Variants in BCAT1 observed in about 807,000 individuals in gnomAD.
The protein encoded by BCAT1 is branched-chain-amino-acid aminotransferase, cytosolic.
In BCAT1, 48 loss-of-function variants were observed where a neutral mutation model predicts 52.4. That is an observed-to-expected ratio of 0.92 (90% CI 0.73 to 1.16). The LOEUF (loss-of-function observed/expected upper bound fraction) is 1.16. BCAT1 is among the 50% of genes most tolerant of loss of function. BCAT1 has a pLI of 0.00. For missense variants in BCAT1, 451 were observed against 457.1 expected (o/e 0.99, Z 0.12); for synonymous variants, 167 against 161.3 (o/e 1.04, Z -0.27).
At chr12:24,920,030 T>G (rs1311475435) in intron 1 of BCAT1, among the ~76,000 whole-genome samples, 1 of 152,068 alleles carries the variant, frequency 6.6e-6, no homozygotes, top group Non-Finnish European at 1.5e-5. Context: ...TACCCTGTCT[T>G]GGGTATGTCT....
At chr12:24,826,215 C>T (rs1940392377) in intron 10 of BCAT1, among the ~76,000 whole-genome samples, 1 of 152,124 alleles carries the variant, frequency 6.6e-6, no homozygotes, top group South Asian at 2.1e-4. Context: ...TTTGCTTAGA[C>T]CAATGTCCTG....
chr12:24,872,077 A>G (rs1942197616), intron 5 of BCAT1, among the ~76,000 whole-genome samples: 1 of 152,224 alleles, frequency 6.6e-6, no homozygotes, highest in Admixed American at 6.5e-5. Context: ...AATCTTTCAG[A>G]TTCTTCTGTT....
chr12:24,910,246 G>A (rs1224731812), intron 1 of BCAT1, among the ~76,000 whole-genome samples: 7 of 151,966 alleles, frequency 4.6e-5, no homozygotes, highest in East Asian at 1.9e-4. Context: ...GCTTGATGGC[G>A]GGTGCCTGTA....
intron 10 of BCAT1, among the ~76,000 whole-genome samples, chr12:24,824,687 A>C (rs1566554587): frequency 6.6e-6 from 1 of 152,182 alleles, no homozygotes; most frequent in Admixed American, 6.5e-5. Flanking sequence ...AATTTGTTTA[A>C]GAAAATACTG....
At chr12:24,829,745 G>T in intron 10 of BCAT1, 78 bp downstream of exon 10, 1 of 1,165,418 alleles carries the variant, frequency 8.6e-7, no homozygotes, top group Non-Finnish European at 1.2e-6. Context: ...TAATTTAGTT[G>T]TAAGCTCTGA....
chr12:24,915,773 G>C (rs182429711), intron 1 of BCAT1, among the ~76,000 whole-genome samples: 1 of 152,176 alleles, frequency 6.6e-6, no homozygotes, highest in Non-Finnish European at 1.5e-5. Flanking sequence ...TAAAACAGAC[G>C]ATATTTAAAT....
intron 8 of BCAT1, chr12:24,834,475 G>A (rs970663787): frequency 1.1e-5 from 11 of 981,718 alleles, no homozygotes; most frequent in Middle Eastern, 5.2e-4. Context: ...AGTGGTTCAA[G>A]TTCAAAGTTT....
intron 1 of BCAT1, among the ~76,000 whole-genome samples, chr12:24,937,395 C>CA (rs1943776048): frequency 1.3e-5 from 2 of 152,202 alleles, no homozygotes; most frequent in African/African-American, 4.8e-5. Flanking sequence ...TGAGAAGGAC[C>CA]AGATCCCTTG....
At position 24,817,959 on chromosome 12, in the gene BCAT1, A is replaced by T. The variant is rs1384594507; in HGVS notation, c.*49T>A. 2 of 1,560,514 alleles carry T rather than the reference A, an allele frequency of 1.3e-6. No individual in the cohort carries two copies. Among genetic ancestry groups the T allele is most frequent in the East Asian group, 4.5e-5 (2 of 44,576 alleles). On this transcript the variant is annotated 3_prime_UTR_variant, in exon 11 of 11. Transcript: ENST00000261192. ...TTCAAATGCAACAGTCTGTCCCAGT[A>T]GCATACAGTTGGTATCCTCTATTTT... is the stretch of plus-strand genomic sequence containing the variant.
At chr12:24,841,664 A>G (rs1941177039) in intron 7 of BCAT1, among the ~76,000 whole-genome samples, 1 of 152,192 alleles carries the variant, frequency 6.6e-6, no homozygotes, top group Non-Finnish European at 1.5e-5. Flanking sequence ...GCACTTTGGG[A>G]GGCCAAGGCC....
At chr12:24,925,781 G>A (rs955289532) in intron 1 of BCAT1, among the ~76,000 whole-genome samples, 23 of 152,186 alleles carry the variant, frequency 1.5e-4, no homozygotes, top group African/African-American at 4.6e-4. Context: ...TGGTGGAGAC[G>A]GGGTTTCGCT....
intron 7 of BCAT1, among the ~76,000 whole-genome samples, chr12:24,839,382 G>A (rs755364326): frequency 6.6e-6 from 1 of 152,198 alleles, no homozygotes; most frequent in Non-Finnish European, 1.5e-5. Flanking sequence ...GAGCAATACC[G>A]AGATTCACTG....
At chr12:24,869,467 C>A (rs1591824163) in intron 5 of BCAT1, among the ~76,000 whole-genome samples, 2 of 152,182 alleles carry the variant, frequency 1.3e-5, no homozygotes, top group African/African-American at 4.8e-5. Context: ...ATTATTCTCA[C>A]CTTTCAAATT....
intron 5 of BCAT1, among the ~76,000 whole-genome samples, chr12:24,877,801 T>C (rs1261049049): frequency 6.6e-6 from 1 of 152,196 alleles, no homozygotes; most frequent in Non-Finnish European, 1.5e-5. Flanking sequence ...CAAACAGCAC[T>C]GCATTTACTC....
At position 24,817,787 on chromosome 12, in the gene BCAT1, AG is replaced by A; in HGVS notation, c.*220del. 1 of 530,668 alleles carries A rather than the reference AG, an allele frequency of 1.9e-6. No individual in the cohort carries two copies. The allele number at this position is 530,668 out of a possible 1,614,324, so 32.9% of individuals were successfully genotyped here. On this transcript the variant is annotated 3_prime_UTR_variant, in exon 11 of 11. Transcript: ENST00000261192. Reference sequence around the variant, plus strand: ...GCTTACATTAATGTTTTTCTAGGTAAGGTAAGGTAAGTTACTACTACCAAGT... The same window carrying A: ...GCTTACATTAATGTTTTTCTAGGTAAGTAAGGTAAGTTACTACTACCAAGT...
At position 24,815,133 on chromosome 12, in the gene BCAT1, T is replaced by C. The variant is rs1175008854; in HGVS notation, c.*2875A>G. 1 of 152,180 alleles carries C rather than the reference T, an allele frequency of 6.6e-6. No homozygotes were observed. The highest frequency in any genetic ancestry group is 1.5e-5 in the Non-Finnish European group (1 of 68,024). 9.4% of individuals were successfully genotyped at this position (152,180 alleles called of 1,614,324 possible). A position where few individuals can be genotyped will look rare whatever the true frequency, so the allele number is the denominator to read the frequency against. ...TTTTAGGAACTGCTCAGGTTTTGCC[T>C]TTGTCTTGACACTTCATTTTAAAAT... On this transcript the variant is annotated 3_prime_UTR_variant, in exon 11 of 11. Transcript: ENST00000261192.
Position 24,816,438 on chromosome 12 carries a change from C to T in BCAT1, c.*1570G>A. ...TTCCTTAGATAAACCACAAAGGATA[C>T]AATTTTAACTCACAGCTCCTAAACA... On this transcript the variant is annotated 3_prime_UTR_variant, in exon 11 of 11. Transcript: ENST00000261192. The T allele has an allele frequency of 2.5e-6, 1 of 397,752 alleles. No individual in the cohort carries two copies. Among genetic ancestry groups the T allele is most frequent in the East Asian group, 3.6e-5 (1 of 28,026 alleles). The allele number at this position is 397,752 out of a possible 1,614,324, so 24.6% of individuals were successfully genotyped here.
chr12:24,940,520 CT>C (rs1943832466), intron 1 of BCAT1, among the ~76,000 whole-genome samples: 1 of 152,050 alleles, frequency 6.6e-6, no homozygotes, highest in South Asian at 2.1e-4. Context: ...AATATTTGCT[CT>C]AATGTTATTG....
chr12:24,898,913 CATTTA>C (rs1167716021), intron 2 of BCAT1, among the ~76,000 whole-genome samples: 3 of 152,190 alleles, frequency 2.0e-5, no homozygotes, highest in Non-Finnish European at 2.9e-5. Context: ...CTGTATCAGA[CATTTA>C]ATAACTTTAT....
Sources: allele counts gnomAD v4.1 joint callset (sites outside exome capture counted in the v4.1 genomes callset), GRCh38; gene constraint gnomAD v4.1.1; transcripts MANE v1.5; gene names NCBI Gene and HGNC (gene_info 2026-07-23, HGNC 2026-07-21).